ACSM6: variants seen among roughly 807,000 people sequenced by gnomAD.
ACSM6 encodes the protein acyl-coenzyme A synthetase ACSM6, mitochondrial.
ACSM6 carries 35 observed loss-of-function variants against 51.1 expected under a neutral mutation model. The observed-to-expected ratio is 0.69, with a 90% CI of 0.52 to 0.91. ACSM6 has a LOEUF of 0.91. ACSM6 is among the 40% of genes least tolerant of loss of function. The pLI, the probability that ACSM6 is intolerant of heterozygous loss-of-function variation, is 0.00. For synonymous variants in ACSM6, 172 were observed against 207.3 expected (o/e 0.83, Z 1.46); for missense variants, 509 against 584.1 (o/e 0.87, Z 1.32).
At chr10:95,202,067 C>A (rs1246567216) in exon 3 of ACSM6, 1 of 1,551,916 alleles carries the variant, frequency 6.4e-7, no homozygotes, top group Non-Finnish European at 8.7e-7. Context: ...GAAAGGATGA[C>A]TCAACTCTCC....
Position 95,212,943 on chromosome 10 carries a change from A to AAG in ACSM6, c.995+8_995+9dup. 6.2e-7 allele frequency: 1 copy of AAG among 1,601,414 alleles called. No individual in the cohort carries two copies. The highest frequency in any genetic ancestry group is 8.6e-7 in the Non-Finnish European group (1 of 1,168,456). On this transcript the variant is annotated splice_donor_region_variant and intron_variant, in intron 7 of 10. Coordinates refer to ENST00000341686, the Ensembl canonical transcript of ACSM6. ...CTTCAGCACAAGTGTTTCACCAGGTAAGAGAGGATCCCTCAGGAGAGAGTC... is the reference window on the plus strand; with the variant it reads ...CTTCAGCACAAGTGTTTCACCAGGTAAGAGAGAGGATCCCTCAGGAGAGAGTC...
At chr10:95,202,278 G>A (rs1333594043) in intron 3 of ACSM6, 83 bp downstream of exon 3, 1 of 1,226,204 alleles carries the variant, frequency 8.2e-7, no homozygotes, top group African/African-American at 1.5e-5. Context: ...AGATGTTAGA[G>A]GGATCTCTAT....
At chr10:95,203,022 G>C (rs1361584059) in intron 3 of ACSM6, among the ~76,000 whole-genome samples, 1 of 151,924 alleles carries the variant, frequency 6.6e-6, no homozygotes, top group Admixed American at 6.6e-5. Flanking sequence ...TTAGGAACTA[G>C]GCTGCACAGC....
chr10:95,224,062 T>A (rs1396459680), intron 9 of ACSM6, among the ~76,000 whole-genome samples: 1 of 152,186 alleles, frequency 6.6e-6, no homozygotes, highest in Non-Finnish European at 1.5e-5. Context: ...TAAAATTTTT[T>A]AAATCTCATT....
At chr10:95,224,433 T>A (rs2035020310) in intron 9 of ACSM6, among the ~76,000 whole-genome samples, 2 of 152,382 alleles carry the variant, frequency 1.3e-5, no homozygotes, top group South Asian at 4.1e-4. Flanking sequence ...TTTTCTTTTT[T>A]GAGACAGAGT....
chr10:95,199,808 T>C (rs2133371422), intron 2 of ACSM6, among the ~76,000 whole-genome samples: 1 of 152,248 alleles, frequency 6.6e-6, no homozygotes, highest in Non-Finnish European at 1.5e-5. Flanking sequence ...TGAGATACCA[T>C]CTCACAGCAG....
chr10:95,203,580 C>A (rs2034814575), intron 3 of ACSM6, among the ~76,000 whole-genome samples: 1 of 151,988 alleles, frequency 6.6e-6, no homozygotes, highest in African/African-American at 2.4e-5. Context: ...CCCATCCATG[C>A]CCCTGAGGCT....
chr10:95,216,042 C>G (rs1415320142), intron 8 of ACSM6, among the ~76,000 whole-genome samples: 3 of 152,170 alleles, frequency 2.0e-5, no homozygotes, highest in Admixed American at 1.3e-4. Context: ...GATTCTCCAA[C>G]CTCAGCCTCT....
At chr10:95,225,460 G>A in intron 10 of ACSM6, 69 bp downstream of exon 10, 1 of 1,112,712 alleles carries the variant, frequency 9.0e-7, no homozygotes, top group Non-Finnish European at 1.2e-6. Flanking sequence ...TTATTGTTGA[G>A]TACTTTATGA....
At chr10:95,224,662 A>G (rs2035022986) in intron 9 of ACSM6, among the ~76,000 whole-genome samples, 1 of 152,116 alleles carries the variant, frequency 6.6e-6, no homozygotes, top group Admixed American at 6.5e-5. Flanking sequence ...GGCCTCCCAA[A>G]GTGCTGGGAT....
Position 95,214,938 on chromosome 10 carries a change from A to G in ACSM6, c.1082A>G (p.Lys361Arg), listed in dbSNP as rs1466596617. The change falls in exon 8 of 11, where the codon AAG becomes AGG. Residue 361 changes from lysine (K) to arginine (R), a missense_variant. Coordinates refer to ENST00000341686, the Ensembl canonical transcript of ACSM6. Reference sequence around the variant, plus strand: ...ATTGAGGACTGGAAACGCATCACTAAGTTGGACATCTATGAAGGCTATGGG... The same window carrying G: ...ATTGAGGACTGGAAACGCATCACTAGGTTGGACATCTATGAAGGCTATGGG... 1.3e-6 allele frequency: 2 copies of G among 1,551,528 alleles called. No homozygotes were observed. Among genetic ancestry groups the G allele is most frequent in the African/African-American group, 2.7e-5 (2 of 73,036 alleles).
exon 8 of ACSM6, chr10:95,214,877 T>C (rs759027895): frequency 2.6e-6 from 4 of 1,551,444 alleles, no homozygotes; most frequent in Non-Finnish European, 3.5e-6. Context: ...TCTGAAGCAG[T>C]GTGTGGCTGC....
At chr10:95,204,436 C>T (rs1286611177) in intron 3 of ACSM6, among the ~76,000 whole-genome samples, 5 of 152,072 alleles carry the variant, frequency 3.3e-5, no homozygotes, top group Admixed American at 3.3e-4. Context: ...CACCTGTAAT[C>T]CCAGCTAATC....
chr10:95,218,003 T>G (rs1443113439), intron 8 of ACSM6, among the ~76,000 whole-genome samples: 1 of 152,254 alleles, frequency 6.6e-6, no homozygotes, highest in South Asian at 2.1e-4. Flanking sequence ...GTTGACATTT[T>G]CAGCACCCAG....
At chr10:95,217,346 CA>C (rs71986766) in intron 8 of ACSM6, among the ~76,000 whole-genome samples, 72 of 138,334 alleles carry the variant, frequency 5.2e-4, no homozygotes, top group Admixed American at 7.3e-4. Context: ...GACTCCATCT[CA>C]AAAAAAAAAA....
intron 2 of ACSM6, among the ~76,000 whole-genome samples, chr10:95,195,166 T>C (rs556468687): frequency 1.2e-4 from 19 of 152,332 alleles, no homozygotes; most frequent in South Asian, 1.2e-3. Context: ...CTAAAGGAAC[T>C]TACTGCGTAG....
chr10:95,217,661 A>G (rs1454257106), intron 8 of ACSM6, among the ~76,000 whole-genome samples: 1 of 152,162 alleles, frequency 6.6e-6, no homozygotes, highest in Non-Finnish European at 1.5e-5. Flanking sequence ...CATACGTCCA[A>G]AAAAAATTCT....
chr10:95,203,955 G>A (rs1298649318), intron 3 of ACSM6, among the ~76,000 whole-genome samples: 3 of 151,836 alleles, frequency 2.0e-5, no homozygotes, highest in African/African-American at 7.3e-5. Flanking sequence ...ACAGAAGAGA[G>A]GAAGGGAGTG....
chr10:95,196,189 T>G (rs1406987401), intron 2 of ACSM6, among the ~76,000 whole-genome samples: 1 of 152,250 alleles, frequency 6.6e-6, no homozygotes, highest in East Asian at 1.9e-4. Context: ...CTTGTTCCTT[T>G]GCTCAGCTCT....
Sources: allele counts gnomAD v4.1 joint callset (sites outside exome capture counted in the v4.1 genomes callset), GRCh38; gene constraint gnomAD v4.1.1; transcripts MANE v1.5; gene names NCBI Gene and HGNC (gene_info 2026-07-23, HGNC 2026-07-21).